Variants in FRMD6 observed in about 807,000 individuals in gnomAD.
FRMD6 encodes FERM domain containing 6, also known as FERM domain-containing protein 6.
A neutral mutation model predicts 73.2 loss-of-function variants in FRMD6; 37 were observed. The observed-to-expected ratio is 0.51, with a 90% CI of 0.39 to 0.66. The LOEUF is 0.66. Ranked by LOEUF, FRMD6 falls within the 30% of genes least tolerant of loss-of-function variation. The probability of loss-of-function intolerance (pLI) is 0.00; values close to 1 mark genes in which losing one functional copy is unlikely to be tolerated. For missense variants in FRMD6, 714 were observed against 780.5 expected, an observed-to-expected ratio of 0.91 and a Z score of 1.02; for synonymous variants, 273 against 282.2, an observed-to-expected ratio of 0.97 and a Z score of 0.33.
At chr14:51,530,290 G>C (rs2140328401) in intron 1 of FRMD6, among the ~76,000 whole-genome samples, 1 of 152,268 alleles carries the variant, frequency 6.6e-6, no homozygotes, top group South Asian at 2.1e-4. Flanking sequence ...CGTCACACTG[G>C]AAGCTGAAAT....
intron 1 of FRMD6, among the ~76,000 whole-genome samples, chr14:51,671,795 C>T (rs1232337207): frequency 6.6e-6 from 1 of 152,156 alleles, no homozygotes; most frequent in East Asian, 1.9e-4. Context: ...CAGGGGCAGA[C>T]CATTCACATC....
intron 1 of FRMD6, among the ~76,000 whole-genome samples, chr14:51,490,744 A>G (rs1882954394): frequency 6.6e-6 from 1 of 152,148 alleles, no homozygotes; most frequent in Non-Finnish European, 1.5e-5. Context: ...AGAATTCTTA[A>G]GGTGGCCCAG....
At chr14:51,684,872 A>C (rs1050985038) in intron 1 of FRMD6, among the ~76,000 whole-genome samples, 1 of 152,232 alleles carries the variant, frequency 6.6e-6, no homozygotes, top group African/African-American at 2.4e-5. Context: ...CAAAATATGT[A>C]GCTAGTGAAG....
chr14:51,449,900 C>T, the FRMD6 span, among the ~76,000 whole-genome samples: 1 of 152,232 alleles, frequency 6.6e-6, no homozygotes, highest in South Asian at 2.1e-4. Flanking sequence ...TAGAAATCTG[C>T]TCCTTTATCA....
intron 1 of FRMD6, among the ~76,000 whole-genome samples, chr14:51,531,852 A>G (rs1317746362): frequency 6.6e-6 from 1 of 152,274 alleles, no homozygotes; most frequent in Non-Finnish European, 1.5e-5. Context: ...TAAGTTGGCT[A>G]TGGATATGAG....
intron 10 of FRMD6, among the ~76,000 whole-genome samples, chr14:51,716,678 C>A (rs1241151188): frequency 6.6e-6 from 1 of 152,238 alleles, no homozygotes; most frequent in Non-Finnish European, 1.5e-5. Flanking sequence ...CTGTCTGCCA[C>A]AAACTGCCTG....
intron 2 of FRMD6, among the ~76,000 whole-genome samples, chr14:51,601,841 A>G (rs1890050466): frequency 6.6e-6 from 1 of 152,114 alleles, no homozygotes; most frequent in South Asian, 2.1e-4. Flanking sequence ...TTAGTCATTT[A>G]ATTTCTTTAT....
chr14:51,698,504 T>C (rs1319898922), intron 3 of FRMD6, among the ~76,000 whole-genome samples: 1 of 152,142 alleles, frequency 6.6e-6, no homozygotes, highest in Non-Finnish European at 1.5e-5. Context: ...TCTATGTGTT[T>C]GCTCTTCCAT....
upstream of FRMD6, chr14:51,651,816 C>T (rs1215159667): frequency 9.9e-5 from 4 of 40,392 alleles, no homozygotes; most frequent in Admixed American, 3.5e-4. Flanking sequence ...TCTCAGGGGG[C>T]GGGGATTCGG....
At chr14:51,526,542 T>G (rs892734903) in intron 1 of FRMD6, among the ~76,000 whole-genome samples, 1 of 152,204 alleles carries the variant, frequency 6.6e-6, no homozygotes, top group Non-Finnish European at 1.5e-5. Context: ...GATAGGTCCC[T>G]GTCCCTTTGC....
chr14:51,721,026 A>C (rs886145655), intron 11 of FRMD6, among the ~76,000 whole-genome samples: 1 of 152,232 alleles, frequency 6.6e-6, no homozygotes, highest in Non-Finnish European at 1.5e-5. Context: ...CGGAAAAGAT[A>C]GACTTTGTTA....
rs77193419 is a variant in FRMD6, at chr14:51,722,604, T to G, written c.1492+524T>G. Reference sequence around the variant, plus strand: ...AAAAAGACACTCTTAAATTCCATATTCGTATGAATTCCTGTAGAAAACATG... The same window carrying G: ...AAAAAGACACTCTTAAATTCCATATGCGTATGAATTCCTGTAGAAAACATG... On this transcript the variant is annotated intron_variant, in intron 12 of 13. Coordinates refer to ENST00000344768, the MANE Select transcript of FRMD6 (RefSeq NM_001267046.2). Among the ~76,000 whole-genome samples, 1,045 of 152,308 alleles carry G rather than the reference T, an allele frequency of 6.9e-3. 5 individuals are homozygous for G. Among genetic ancestry groups the G allele is most frequent in the Non-Finnish European group, 0.01 (714 of 68,018 alleles).
intron 13 of FRMD6, among the ~76,000 whole-genome samples, chr14:51,726,308 T>G (rs1283452369): frequency 6.6e-6 from 1 of 152,200 alleles, no homozygotes; most frequent in Non-Finnish European, 1.5e-5. Context: ...CCTGTGATCA[T>G]TGGTTAAACT....
Position 51,727,803 on chromosome 14 carries a change from T to C in FRMD6, c.1643T>C (p.Ile548Thr). Residue 548 changes from isoleucine (I) to threonine (T), a missense_variant, in exon 14 of 14, where the codon ATC (isoleucine) becomes ACC (threonine). Ile to Thr is a moderately conservative substitution (Grantham distance 89). Coordinates refer to ENST00000344768, the MANE Select transcript of FRMD6 (RefSeq NM_001267046.2). Reference sequence around the variant, plus strand: ...CGACACAGCTTGAGCCTCGATGACATCAGACTTTACCAGAAAGACTTCCTG... The same window carrying C: ...CGACACAGCTTGAGCCTCGATGACACCAGACTTTACCAGAAAGACTTCCTG... ...TDRHSLSLDDIRLYQKDFLRI... is the reference protein window; with the variant it reads ...TDRHSLSLDDTRLYQKDFLRI... 2 of 1,613,902 alleles carry C rather than the reference T, an allele frequency of 1.2e-6. No individual in the cohort carries two copies. The highest frequency in any genetic ancestry group is 1.7e-6 in the Non-Finnish European group (2 of 1,179,778).
In FRMD6 at chr14:51,720,060, A is replaced by C; in HGVS notation, c.1030A>C (p.Lys344Gln). Residue 344 changes from lysine (K) to glutamine (Q), a missense_variant, in exon 11 of 14, where the codon AAG (lysine) becomes CAG (glutamine). By Grantham distance (53) the Lys-to-Gln change is moderately conservative. Transcript: ENST00000344768. The stretch of plus-strand genomic sequence containing the variant: ...CTGTGTTCCCCACCACGTAGAGAAG[A>C]AGCAGTACCGGGAATCTTACATCAG... ...IRKLEENEEK[K>Q]QYRESYISDN... The C allele has an allele frequency of 6.2e-7, 1 of 1,609,992 alleles. No individual in the cohort carries two copies. The highest frequency in any genetic ancestry group is 8.5e-7 in the Non-Finnish European group (1 of 1,177,558).
intron 2 of FRMD6, among the ~76,000 whole-genome samples, chr14:51,609,840 A>G (rs1890416399): frequency 6.6e-6 from 1 of 152,260 alleles, no homozygotes; most frequent in African/African-American, 2.4e-5. Flanking sequence ...TGAAAATGTG[A>G]TGAAAATTAT....
At chr14:51,508,764 C>T (rs183189320) in intron 1 of FRMD6, among the ~76,000 whole-genome samples, 1 of 152,310 alleles carries the variant, frequency 6.6e-6, no homozygotes. Flanking sequence ...TAATTACAGT[C>T]TCTTGCCTAT....
intron 2 of FRMD6, among the ~76,000 whole-genome samples, chr14:51,581,239 CT>C (rs910926521): frequency 2.4e-4 from 37 of 152,310 alleles, no homozygotes; most frequent in African/African-American, 8.2e-4. Context: ...TCCTCAGTCT[CT>C]CCCCCATCTT....
chr14:51,680,722 A>T (rs895469656), intron 1 of FRMD6, among the ~76,000 whole-genome samples: 4 of 151,954 alleles, frequency 2.6e-5, no homozygotes, highest in African/African-American at 9.7e-5. Context: ...TTTGTGATTT[A>T]GGGGATGATG....
Sources: allele counts gnomAD v4.1 joint callset (sites outside exome capture counted in the v4.1 genomes callset), GRCh38; gene constraint gnomAD v4.1.1; transcripts MANE v1.5; gene names NCBI Gene and HGNC (gene_info 2026-07-23, HGNC 2026-07-21).